MDGA2: variants seen among roughly 807,000 people sequenced by gnomAD.
MDGA2 encodes MAM domain containing glycosylphosphatidylinositol anchor 2, also known as MAM domain-containing glycosylphosphatidylinositol anchor protein 2.
MDGA2 carries 40 observed loss-of-function variants against 117.8 expected under a neutral mutation model. The ratio of observed to expected loss-of-function variants is 0.34; its 90% CI spans 0.26 to 0.44. The LOEUF is 0.44. Ranked by LOEUF, MDGA2 falls within the 20% of genes least tolerant of loss-of-function variation. The pLI, the probability that MDGA2 is intolerant of heterozygous loss-of-function variation, is 1.00. For synonymous variants in MDGA2, 452 were observed against 439.0 expected (o/e 1.03, Z -0.37); for missense variants, 1,123 against 1,250.6 (o/e 0.90, Z 1.54).
At chr14:47,348,335 C>T (rs76950279) in intron 1 of MDGA2, among the ~76,000 whole-genome samples, 4,557 of 151,848 alleles carry the variant, frequency 0.03, 236 homozygotes, top group African/African-American at 0.1. Context: ...CCTCAGGCTC[C>T]AGAGTAGCTG....
chr14:46,984,854 G>A (rs930424781), intron 8 of MDGA2, among the ~76,000 whole-genome samples: 6 of 151,960 alleles, frequency 3.9e-5, no homozygotes, highest in African/African-American at 1.4e-4. Context: ...TGCTAACAGT[G>A]GCAAAACTTA....
intron 3 of MDGA2, among the ~76,000 whole-genome samples, chr14:47,157,732 G>C (rs1015517490): frequency 6.6e-6 from 1 of 151,764 alleles, no homozygotes; most frequent in East Asian, 1.9e-4. Flanking sequence ...CCAGTGGGAA[G>C]TAATTGAATC....
At chr14:47,025,613 T>C (rs572839766) in intron 8 of MDGA2, among the ~76,000 whole-genome samples, 4 of 151,570 alleles carry the variant, frequency 2.6e-5, no homozygotes, top group African/African-American at 7.3e-5. Context: ...TGTCATGACA[T>C]AGGGGAGAAG....
chr14:47,525,466 C>T (rs1894952421), intron 1 of MDGA2, among the ~76,000 whole-genome samples: 1 of 152,134 alleles, frequency 6.6e-6, no homozygotes, highest in Admixed American at 6.5e-5. Flanking sequence ...AGGCAGATCA[C>T]CTGAGGTCAG....
At position 47,061,359 on chromosome 14, in the gene MDGA2, T is replaced by C; in HGVS notation, c.1415A>G (p.Asp472Gly). The C allele has an allele frequency of 6.2e-7, 1 of 1,613,686 alleles. No individual in the cohort carries two copies. The highest frequency in any genetic ancestry group is 8.5e-7 in the Non-Finnish European group (1 of 1,179,694). ...ATCCGTGAATTTTAAATCAATGATG[T>C]CCAAGTTTGTTGTTCCCGGAGAGAC... ...PDVSPGTTNL[D>G]IIDLKFTDFG... Residue 472 changes from aspartate to glycine, a missense_variant, in exon 7 of 17, where the codon GAC (aspartate) becomes GGC (glycine). Around this residue, in one of 2 missense-constraint regions of MDGA2, gnomAD observed 890 missense variants for 1,050.3 expected, o/e 0.85. Transcript: ENST00000399232.
chr14:47,519,042 A>T (rs1038297291), intron 1 of MDGA2, among the ~76,000 whole-genome samples: 1 of 152,048 alleles, frequency 6.6e-6, no homozygotes, highest in Non-Finnish European at 1.5e-5. Flanking sequence ...CGTCTCTACT[A>T]AAAATACAAA....
chr14:47,528,225 A>G (rs17118862), intron 1 of MDGA2, among the ~76,000 whole-genome samples: 5,704 of 152,254 alleles, frequency 0.037, 358 homozygotes, highest in African/African-American at 0.13. Context: ...TAAACACGGC[A>G]CTGCTAACAG....
In MDGA2 at chr14:47,254,718, G is replaced by A. The variant is rs535295176; in HGVS notation, c.421-36523C>T. ...TGCCTGTTATCCAGTTCCAATTTTC[G>A]GGTATTCTTATAGCAGAGCCCCATT... On this transcript the variant is annotated intron_variant, in intron 2 of 16. Transcript: ENST00000399232. 2.3e-4 allele frequency among the ~76,000 whole-genome samples: 35 copies of A among 152,082 alleles called. No homozygotes were observed. The South Asian group carries it at 6.6e-3, about 29-fold the overall frequency.
chr14:47,656,473 TC>T (rs1188944262), intron 1 of MDGA2, among the ~76,000 whole-genome samples: 1 of 152,142 alleles, frequency 6.6e-6, no homozygotes, highest in African/African-American at 2.4e-5. Flanking sequence ...GAGAAAATAT[TC>T]CCAATGGGGT....
intron 1 of MDGA2, among the ~76,000 whole-genome samples, chr14:47,380,543 G>A (rs551559467): frequency 1.7e-4 from 26 of 151,946 alleles, no homozygotes; most frequent in African/African-American, 4.1e-4. Context: ...TATCACCACC[G>A]ATCCCACAGA....
chr14:47,199,703 A>G (rs1885420039), intron 3 of MDGA2, among the ~76,000 whole-genome samples: 1 of 152,200 alleles, frequency 6.6e-6, no homozygotes. Flanking sequence ...GGTATTTGTT[A>G]CATAATTGAA....
At chr14:47,582,298 T>C (rs1343789819) in intron 1 of MDGA2, among the ~76,000 whole-genome samples, 1 of 151,966 alleles carries the variant, frequency 6.6e-6, no homozygotes. Context: ...AATGGACCTC[T>C]ATATTTCATT....
At chr14:46,988,344 G>A (rs1179556253) in intron 8 of MDGA2, among the ~76,000 whole-genome samples, 1 of 152,016 alleles carries the variant, frequency 6.6e-6, no homozygotes, top group Non-Finnish European at 1.5e-5. Flanking sequence ...AATCAAATAA[G>A]AGTAGCATAA....
intron 7 of MDGA2, among the ~76,000 whole-genome samples, chr14:47,057,987 C>A (rs1889747220): frequency 6.6e-6 from 1 of 152,084 alleles, no homozygotes; most frequent in Non-Finnish European, 1.5e-5. Flanking sequence ...TTAGGATTTA[C>A]TTCCCTGAAA....
intron 1 of MDGA2, among the ~76,000 whole-genome samples, chr14:47,395,169 C>T (rs1891980702): frequency 6.6e-6 from 1 of 151,336 alleles, no homozygotes; most frequent in Admixed American, 6.6e-5. Context: ...AAAACAGAAA[C>T]AAAAAAACTA....
chr14:47,265,125 C>T (rs1459942196), intron 2 of MDGA2, among the ~76,000 whole-genome samples: 1 of 152,086 alleles, frequency 6.6e-6, no homozygotes, highest in African/African-American at 2.4e-5. Flanking sequence ...CAAATTACCA[C>T]TATAATGGCA....
intron 8 of MDGA2, among the ~76,000 whole-genome samples, chr14:47,000,635 A>G (rs1887498039): frequency 6.6e-6 from 1 of 151,220 alleles, no homozygotes; most frequent in South Asian, 2.1e-4. Flanking sequence ...AGTTTTTGAG[A>G]TCTTTTAGGC....
At chr14:47,166,270 G>A (rs1386515565) in intron 3 of MDGA2, among the ~76,000 whole-genome samples, 4 of 152,034 alleles carry the variant, frequency 2.6e-5, no homozygotes, top group Admixed American at 6.6e-5. Context: ...TCTAGACCTC[G>A]TGATCTGCCT....
At chr14:47,073,044 A>C (rs1353928664) in intron 6 of MDGA2, among the ~76,000 whole-genome samples, 2 of 152,182 alleles carry the variant, frequency 1.3e-5, no homozygotes, top group Non-Finnish European at 2.9e-5. Context: ...GAAAAGTTTC[A>C]CAAAAACACT....
Sources: gnomAD v4.1 joint callset for allele counts (sites outside exome capture counted in the v4.1 genomes callset) on GRCh38, gnomAD v4.1.1 for gene constraint, gnomAD v4.1.1 regional missense constraint, MANE v1.5 for transcripts, NCBI Gene and HGNC (gene_info 2026-07-23, HGNC 2026-07-21) for gene names.